DTX2: variants seen among roughly 807,000 people sequenced by gnomAD.
DTX2 encodes deltex E3 ubiquitin ligase 2, also known as probable E3 ubiquitin-protein ligase DTX2.
A neutral mutation model predicts 55.3 loss-of-function variants in DTX2; 29 were observed. That is an observed-to-expected ratio of 0.52 (90% CI 0.39 to 0.71). The LOEUF is 0.71. Among genes scored for constraint, DTX2 ranks in the 30% least tolerant of loss-of-function variants. The pLI is 0.00. For synonymous variants in DTX2, 276 were observed against 340.4 expected, an observed-to-expected ratio of 0.81 and a Z score of 2.08; for missense variants, 537 against 822.5, an observed-to-expected ratio of 0.65 and a Z score of 4.25.
At position 76,505,327 on chromosome 7, in the gene DTX2, C is replaced by A; in HGVS notation, c.1642-47C>A. On this transcript the variant is annotated intron_variant, in intron 10 of 10. Transcript: ENST00000430490. The surrounding 1 kb of genome is among the most constrained non-coding windows in gnomAD (Gnocchi z 4.4). ...CCGTGCCTGCTCACTGAGCCCCTCT[C>A]ACTCTCCGTCCCCTCCTTCCTCTTC... 1.3e-6 allele frequency: 2 copies of A among 1,489,420 alleles called. No individual in the cohort carries two copies. The highest frequency in any genetic ancestry group is 1.8e-6 in the Non-Finnish European group (2 of 1,095,326). The allele number at this position is 1,489,420 out of a possible 1,614,324, so 92.3% of individuals were successfully genotyped here.
chr7:76,480,304 C>T, intron 2 of DTX2, 117 bp from the exon 3 acceptor site: 7 of 596,082 alleles, frequency 1.2e-5, no homozygotes, highest in South Asian at 2.5e-5. Context: ...GACCCTGTAA[C>T]CAAAAAAAAA....
chr7:76,464,867 A>G (rs2690600), intron 2 of DTX2, among the ~76,000 whole-genome samples: 65 of 150,626 alleles, frequency 4.3e-4, no homozygotes, highest in South Asian at 1.3e-3. Context: ...AGATAAAGTG[A>G]ACATAGAGAA....
rs185120009 is a variant in DTX2, at chr7:76,505,989, A to G, written c.*388A>G. 2.6e-3 allele frequency: 861 copies of G among 328,620 alleles called. 10 individuals carry two copies. The highest frequency in any genetic ancestry group is 0.017 in the African/African-American group (780 of 47,178). 20.4% of individuals were successfully genotyped at this position (328,620 alleles called of 1,614,324 possible). A position where few individuals can be genotyped will look rare whatever the true frequency, so the allele number is the denominator to read the frequency against. On this transcript the variant is annotated 3_prime_UTR_variant, in exon 11 of 11. Coordinates refer to ENST00000430490, the MANE Select transcript of DTX2 (RefSeq NM_001102594.3). The surrounding 1 kb of genome is among the most constrained non-coding windows in gnomAD (Gnocchi z 4.4). ...TGTTTGCAATAAATGCTCTATAGCC[A>G]AAGCCAGCAGGTCCTGAGTGTGTGC... is the stretch of plus-strand genomic sequence containing the variant.
intron 2 of DTX2, among the ~76,000 whole-genome samples, chr7:76,467,860 T>C (rs570024216): frequency 6.6e-6 from 1 of 151,532 alleles, no homozygotes; most frequent in Non-Finnish European, 1.5e-5. Flanking sequence ...AAGAGATGAG[T>C]AAGTGGACAA....
intron 3 of DTX2, among the ~76,000 whole-genome samples, chr7:76,481,895 C>T (rs1348632159): frequency 6.7e-6 from 1 of 149,918 alleles, no homozygotes; most frequent in Non-Finnish European, 1.5e-5. Flanking sequence ...TCTCCATTGC[C>T]CTGTGTTGCC....
chr7:76,482,568 T>A lies in DTX2; in HGVS notation c.329T>A (p.Val110Asp). Residue 110 changes from valine (V) to aspartate (D), a missense_variant, in exon 4 of 11, where the codon GTC becomes GAC. Transcript: ENST00000430490. ...CAGCACTCAGCCCCTGGCCGAGGTG[T>A]CGTCTGGGAGTGGCTGAGCGACGAT... is the stretch of plus-strand genomic sequence containing the variant. Reference protein sequence around the residue: ...FPQHSAPGRGVVWEWLSDDGS... With the variant: ...FPQHSAPGRGDVWEWLSDDGS... The A allele has an allele frequency of 1.2e-6, 2 of 1,612,802 alleles. No individual in the cohort carries two copies. Among genetic ancestry groups the A allele is most frequent in the Non-Finnish European group, 1.7e-6 (2 of 1,179,120 alleles).
chr7:76,480,639 C>G lies in DTX2; in HGVS notation c.130C>G (p.Gln44Glu), dbSNP rs773030862. 54 of 1,613,656 alleles carry G rather than the reference C, an allele frequency of 3.3e-5. 4 individuals are homozygous for G. In the South Asian group the frequency reaches 5.6e-4, roughly 17 times the overall value. ...TGCCACCGTCTGCAGCTTCATCGAGCAGCAGTTTGTCCAGCAGAAGGGCCA... is the reference window on the plus strand; with the variant it reads ...TGCCACCGTCTGCAGCTTCATCGAGGAGCAGTTTGTCCAGCAGAAGGGCCA... Reference protein sequence around the residue: ...YSATVCSFIEQQFVQQKGQRF... With the variant: ...YSATVCSFIEEQFVQQKGQRF... The change falls in exon 3 of 11, where the codon CAG becomes GAG. Residue 44 changes from glutamine to glutamate, a missense_variant. Coordinates refer to ENST00000430490, the MANE Select transcript of DTX2 (RefSeq NM_001102594.3).
At position 76,492,239 on chromosome 7, in the gene DTX2, A is replaced by G; in HGVS notation, c.995A>G (p.Gln332Arg). The G allele has an allele frequency of 9.7e-7, 1 of 1,027,494 alleles. No individual in the cohort carries two copies. The highest frequency in any genetic ancestry group is 1.3e-6 in the Non-Finnish European group (1 of 766,702). The allele number at this position is 1,027,494 out of a possible 1,614,324, so 63.6% of individuals were successfully genotyped here. The change falls in exon 5 of 11, where the codon CAG becomes CGG. Residue 332 changes from glutamine (Q) to arginine (R), a missense_variant. Gln to Arg is a conservative substitution (Grantham distance 43). Coordinates refer to ENST00000430490, the MANE Select transcript of DTX2 (RefSeq NM_001102594.3). ...CAGATGCCAAAGCCCAGCAGAGTCC[A>G]GCAGGCGCTCGCAGGTAGGTGCCTG... is the stretch of plus-strand genomic sequence containing the variant. ...PMQMPKPSRV[Q>R]QALAGMTSVL...
rs1189515439 is a variant in DTX2, at chr7:76,482,835, A to G, written c.596A>G (p.His199Arg). The change falls in exon 4 of 11, where the codon CAC becomes CGC. Residue 199 changes from histidine (H) to arginine (R), a missense_variant. Physicochemically the swap from His to Arg is conservative, Grantham distance 29. This residue lies in a region of DTX2 where 301 missense variants were observed against 396.6 expected (regional missense o/e 0.76). Transcript: ENST00000430490. The part of the protein sequence containing the change: ...PGHTGVACSC[H>R]QCLSGSRTGP... ...CACACAGGCGTCGCCTGCTCTTGCC[A>G]CCAGTGCCTCAGTGGCAGCAGAACT... 2 of 1,613,528 alleles carry G rather than the reference A, an allele frequency of 1.2e-6. No individual in the cohort carries two copies. Among genetic ancestry groups the G allele is most frequent in the Non-Finnish European group, 1.7e-6 (2 of 1,179,690 alleles).
intron 3 of DTX2, among the ~76,000 whole-genome samples, 175 bp from the exon 4 acceptor site, chr7:76,482,333 C>G (rs1809320404): frequency 6.6e-6 from 1 of 151,810 alleles, no homozygotes; most frequent in Admixed American, 6.6e-5. Context: ...GCACTGCAGC[C>G]TGGGCGACAA....
intron 2 of DTX2, among the ~76,000 whole-genome samples, chr7:76,469,538 G>T (rs1045018132): frequency 6.7e-6 from 1 of 148,580 alleles, no homozygotes; most frequent in Non-Finnish European, 1.5e-5. Context: ...GACTACAGGC[G>T]CTCGCCACCA....
Position 76,502,412 on chromosome 7 carries a change from T to A in DTX2, c.1345T>A (p.Phe449Ile), listed in dbSNP as rs751064400. The stretch of plus-strand genomic sequence containing the variant: ...CCACCTCACCAAGTGCAGCCATGCC[T>A]TCCACCTGCTGTGCCTCCTGGCCAT... ...VGHLTKCSHAFHLLCLLAMYC... is the reference protein window; with the variant it reads ...VGHLTKCSHAIHLLCLLAMYC... Residue 449 changes from phenylalanine (F) to isoleucine (I), a missense_variant, in exon 8 of 11, where the codon TTC becomes ATC. Coordinates refer to ENST00000430490, the MANE Select transcript of DTX2 (RefSeq NM_001102594.3). 1 of 1,612,710 alleles carries A rather than the reference T, an allele frequency of 6.2e-7. No homozygotes were observed. Among genetic ancestry groups the A allele is most frequent in the Admixed American group, 1.7e-5 (1 of 60,022 alleles).
chr7:76,474,967 G>A (rs1012048766), intron 2 of DTX2: 1 of 152,028 alleles, frequency 6.6e-6, no homozygotes, highest in African/African-American at 2.4e-5. Context: ...GAAAAGCAGG[G>A]TTTGTTTTTC....
intron 2 of DTX2, among the ~76,000 whole-genome samples, chr7:76,464,563 G>A (rs1172375926): frequency 1.3e-5 from 2 of 151,686 alleles, no homozygotes; most frequent in East Asian, 1.9e-4. Context: ...CACCATACCC[G>A]ACTAATAATT....
At chr7:76,500,892 C>T (rs552800881) in intron 7 of DTX2, among the ~76,000 whole-genome samples, 3 of 152,270 alleles carry the variant, frequency 2.0e-5, no homozygotes, top group Middle Eastern at 3.4e-3. Context: ...TCCTGCCCCC[C>T]GGCTATTGGG....
Position 76,505,478 on chromosome 7 carries a change from C to T in DTX2, c.1746C>T (p.His582=), listed in dbSNP as rs1248449282. 6 of 1,609,330 alleles carry T rather than the reference C, an allele frequency of 3.7e-6. No individual in the cohort carries two copies. The highest frequency in any genetic ancestry group is 1.3e-5 in the African/African-American group (1 of 74,860). ...ETDTVVWNEI[H]HKTEMDRNIT... is the part of the protein sequence containing the mutation. Reference sequence around the variant, plus strand: ...ACACCGTGGTATGGAACGAGATCCACCACAAGACAGAGATGGACCGCAACA... The same window carrying T: ...ACACCGTGGTATGGAACGAGATCCATCACAAGACAGAGATGGACCGCAACA... Residue 582 remains histidine (H), a synonymous_variant, in exon 11 of 11, where the codon CAC becomes CAT. Coordinates refer to ENST00000430490, the MANE Select transcript of DTX2 (RefSeq NM_001102594.3). This position sits in a 1 kb window ranked among gnomAD's most constrained non-coding sequence, Gnocchi z 4.4.
Position 76,501,323 on chromosome 7 carries a change from G to T in DTX2, c.1230+803G>T, listed in dbSNP as rs187428017. ...TAAAGGTTTGGAAAGGAGCCTGAAC[G>T]TCCTCCTCATGTGTCCCACCCCTTC... is the stretch of plus-strand genomic sequence containing the variant. On this transcript the variant is annotated intron_variant, in intron 7 of 10. Coordinates refer to ENST00000430490, the MANE Select transcript of DTX2 (RefSeq NM_001102594.3). The T allele has an allele frequency of 1.8e-5, 8 of 455,770 alleles. No homozygotes were observed. In the Admixed American group the frequency reaches 1.9e-4, roughly 11 times the overall value. The allele number at this position is 455,770 out of a possible 1,614,324, so 28.2% of individuals were successfully genotyped here. A position where few individuals can be genotyped will look rare whatever the true frequency, so the allele number is the denominator to read the frequency against.
chr7:76,480,169 G>A (rs1320152598), intron 2 of DTX2, among the ~76,000 whole-genome samples: 1 of 142,156 alleles, frequency 7.0e-6, no homozygotes, highest in Non-Finnish European at 1.5e-5. Flanking sequence ...GCTGGGTGTG[G>A]TGGTGAATGC....
chr7:76,470,159 G>A (rs1638091), intron 2 of DTX2: 161,347 of 392,256 alleles, frequency 0.41, 23,620 homozygotes, highest in African/African-American at 0.59. Flanking sequence ...GGGGCTCTGC[G>A]TACTATTCGA....
Sources: gnomAD v4.1 joint callset for allele counts (sites outside exome capture counted in the v4.1 genomes callset) on GRCh38, gnomAD v4.1.1 for gene constraint, gnomAD v4.1.1 regional missense constraint, Gnocchi (gnomAD v3.1) non-coding constraint, MANE v1.5 for transcripts, NCBI Gene and HGNC (gene_info 2026-07-23, HGNC 2026-07-21) for gene names.